Variants in PTPRC observed in about 807,000 individuals in gnomAD.
The protein encoded by PTPRC is protein tyrosine phosphatase receptor type C.
Under a neutral mutation model 155.9 loss-of-function variants are expected in PTPRC, and 44 were observed. The observed-to-expected ratio is 0.28, with a 90% CI of 0.22 to 0.36. The LOEUF (loss-of-function observed/expected upper bound fraction) is 0.36. Among genes scored for constraint, PTPRC ranks in the 10% least tolerant of loss-of-function variants. The pLI is 1.00. For missense variants in PTPRC, 1,401 were observed against 1,564.6 expected (o/e 0.90, Z 1.76); for synonymous variants, 525 against 533.1 (o/e 0.98, Z 0.21).
At chr1:198,713,383 T>G (rs994268782) in intron 12 of PTPRC, among the ~76,000 whole-genome samples, 3 of 152,200 alleles carry the variant, frequency 2.0e-5, no homozygotes, top group African/African-American at 7.2e-5. Flanking sequence ...ATTATGTAAG[T>G]GATTTGACTC....
chr1:198,733,042 A>C (rs1654468462), intron 20 of PTPRC, among the ~76,000 whole-genome samples: 1 of 151,870 alleles, frequency 6.6e-6, no homozygotes, highest in Admixed American at 6.6e-5. Flanking sequence ...ATTCCTCATC[A>C]ACATGATCAT....
chr1:198,704,287 A>C (rs574155986), intron 7 of PTPRC, among the ~76,000 whole-genome samples, 185 bp from the exon 8 acceptor site: 2 of 152,206 alleles, frequency 1.3e-5, no homozygotes, highest in Non-Finnish European at 2.9e-5. Flanking sequence ...GAATTAGCTC[A>C]TTCCTTTATA....
chr1:198,735,800 G>A (rs1004861349), intron 23 of PTPRC, among the ~76,000 whole-genome samples: 2 of 151,472 alleles, frequency 1.3e-5, no homozygotes, highest in Admixed American at 6.6e-5. Flanking sequence ...CAATAGGCAA[G>A]TCAATAAAGA....
At chr1:198,642,903 T>TTC (rs1557960090) in intron 2 of PTPRC, among the ~76,000 whole-genome samples, 7 of 77,784 alleles carry the variant, frequency 9.0e-5, no homozygotes, top group Admixed American at 5.3e-4. Flanking sequence ...TTTCTTTCTT[T>TTC]CTTCCTTTCT....
chr1:198,696,205 GATATATAT>G (rs373697759), intron 3 of PTPRC, among the ~76,000 whole-genome samples: 1 of 148,196 alleles, frequency 6.7e-6, no homozygotes, highest in African/African-American at 2.5e-5. Flanking sequence ...TTTTTTCATG[GATATATAT>G]ATATCCATGA....
chr1:198,730,180 C>A (rs1376001273), intron 17 of PTPRC, among the ~76,000 whole-genome samples: 2 of 152,014 alleles, frequency 1.3e-5, no homozygotes, highest in East Asian at 3.9e-4. Context: ...CTTTCTCATG[C>A]TTAAGACAGG....
intron 2 of PTPRC, among the ~76,000 whole-genome samples, chr1:198,689,835 ATT>A (rs1481952081): frequency 6.6e-6 from 1 of 152,060 alleles, no homozygotes; most frequent in African/African-American, 2.4e-5. Context: ...GATGCGAGAA[ATT>A]TTGATTATTA....
chr1:198,728,500 A>C, intron 16 of PTPRC, 52 bp downstream of exon 16: 1 of 1,592,790 alleles, frequency 6.3e-7, no homozygotes, highest in Non-Finnish European at 8.5e-7. Flanking sequence ...TAATGGTGCA[A>C]ACGCATATCC....
At position 198,706,736 on chromosome 1, in the gene PTPRC, G is replaced by A. The variant is rs1282201819; in HGVS notation, c.688G>A (p.Glu230Lys). Residue 230 changes from glutamate to lysine, a missense_variant and splice_region_variant, in exon 9 of 33, where the codon GAA becomes AAA. Physicochemically the swap from Glu to Lys is moderately conservative, Grantham distance 56. This residue lies in a region of PTPRC where 867 missense variants were observed against 970.4 expected (regional missense o/e 0.89). Coordinates refer to ENST00000442510, the MANE Select transcript of PTPRC (RefSeq NM_002838.5). ...CTCAATGTTCTATTTTCTTTTAGAT[G>A]AAAAATATGCAAACATCACTGTGGA... ...ATTPSKPTCD[E>K]KYANITVDYL... 1.2e-6 allele frequency: 2 copies of A among 1,607,246 alleles called. No individual in the cohort carries two copies. Among genetic ancestry groups the A allele is most frequent in the East Asian group, 2.2e-5 (1 of 44,746 alleles).
chr1:198,667,438 A>G (rs1436041949), intron 2 of PTPRC, among the ~76,000 whole-genome samples: 1 of 152,224 alleles, frequency 6.6e-6, no homozygotes, highest in African/African-American at 2.4e-5. Context: ...CAAGTTTCCC[A>G]ATGTACAAAG....
At chr1:198,743,578 C>A (rs1025540775) in intron 25 of PTPRC, among the ~76,000 whole-genome samples, 11 of 151,366 alleles carry the variant, frequency 7.3e-5, no homozygotes, top group African/African-American at 2.7e-4. Flanking sequence ...CATTGGATTA[C>A]AAAAAAATAA....
In PTPRC at chr1:198,708,266, GAATAT is replaced by G. The variant is rs1276003457; in HGVS notation, c.1033+8_1033+12del. On this transcript the variant is annotated splice_donor_region_variant and intron_variant, in intron 10 of 32. Coordinates refer to ENST00000442510, the MANE Select transcript of PTPRC (RefSeq NM_002838.5). ...TTACCTACAGATTTCAGTGTGGTAAGAATATAACATTGACCAGAGAATTTTTTTTT... is the reference window on the plus strand; with the variant it reads ...TTACCTACAGATTTCAGTGTGGTAAGAACATTGACCAGAGAATTTTTTTTT... The G allele has an allele frequency of 2.5e-6, 4 of 1,602,836 alleles. No individual in the cohort carries two copies. Among genetic ancestry groups the G allele is most frequent in the Non-Finnish European group, 3.4e-6 (4 of 1,172,184 alleles).
rs939923599 is a variant in PTPRC, at chr1:198,756,288, G to A, written c.*107G>A. ...ATACAGTGGATTAATTAAATGCAGC[G>A]AACCAATATTTGTAGAAGGGTTATA... is the stretch of plus-strand genomic sequence containing the variant. On this transcript the variant is annotated 3_prime_UTR_variant, in exon 33 of 33. Coordinates refer to ENST00000442510, the MANE Select transcript of PTPRC (RefSeq NM_002838.5). The A allele has an allele frequency of 6.4e-5, 89 of 1,381,686 alleles. No individual in the cohort carries two copies. The highest frequency in any genetic ancestry group is 4.4e-4 in the African/African-American group (30 of 68,918). 85.6% of individuals were successfully genotyped at this position (1,381,686 alleles called of 1,614,324 possible).
chr1:198,656,889 G>T (rs1370211247), intron 2 of PTPRC, among the ~76,000 whole-genome samples: 1 of 151,764 alleles, frequency 6.6e-6, no homozygotes, highest in African/African-American at 2.4e-5. Context: ...AGGCAGACCT[G>T]TTGGAGGACT....
At chr1:198,676,547 C>A (rs568672105) in intron 2 of PTPRC, among the ~76,000 whole-genome samples, 1 of 152,166 alleles carries the variant, frequency 6.6e-6, no homozygotes, top group South Asian at 2.1e-4. Flanking sequence ...GCATTCAGAA[C>A]CCAGGGGAGG....
chr1:198,750,606 G>A lies in PTPRC; in HGVS notation c.3187G>A (p.Glu1063Lys), dbSNP rs1274597159. 6.2e-7 allele frequency: 1 copy of A among 1,612,616 alleles called. No homozygotes were observed. The change falls in exon 29 of 33, where the codon GAA becomes AAA. Residue 1063 changes from glutamate (E) to lysine (K), a missense_variant. Coordinates refer to ENST00000442510, the MANE Select transcript of PTPRC (RefSeq NM_002838.5). The part of the protein sequence containing the change: ...RKVKVIVMLT[E>K]LKHGDQEICA... The stretch of plus-strand genomic sequence containing the variant: ...AGTCAAAGTTATTGTTATGCTGACA[G>A]AACTGAAACATGGAGACCAGGTTTG...
At chr1:198,719,425 T>C (rs546848197) in intron 14 of PTPRC, among the ~76,000 whole-genome samples, 21 of 152,316 alleles carry the variant, frequency 1.4e-4, no homozygotes, top group African/African-American at 4.6e-4. Flanking sequence ...GTTTATAATT[T>C]GCCTTTTAGT....
At chr1:198,648,568 G>A (rs1663062583) in intron 2 of PTPRC, among the ~76,000 whole-genome samples, 1 of 151,776 alleles carries the variant, frequency 6.6e-6, no homozygotes, top group Non-Finnish European at 1.5e-5. Context: ...CTCAGAGGTT[G>A]TTTGTGTGAC....
chr1:198,672,502 C>G (rs2102297375), intron 2 of PTPRC, among the ~76,000 whole-genome samples: 1 of 152,206 alleles, frequency 6.6e-6, no homozygotes, highest in East Asian at 1.9e-4. Context: ...CGGAGTCTTG[C>G]TCTGTTGCCC....
Sources: gnomAD v4.1 joint callset for allele counts (sites outside exome capture counted in the v4.1 genomes callset) on GRCh38, gnomAD v4.1.1 for gene constraint, gnomAD v4.1.1 regional missense constraint, MANE v1.5 for transcripts, NCBI Gene and HGNC (gene_info 2026-07-23, HGNC 2026-07-21) for gene names.